The following ENTHD1 variants were observed in gnomAD, a reference collection of about 807,000 sequenced individuals.
The protein encoded by ENTHD1 is ENTH domain containing 1, also known as ENTH domain-containing protein 1.
In ENTHD1, 23 loss-of-function variants were observed where a neutral mutation model predicts 39.1. The ratio of observed to expected loss-of-function variants is 0.59; its 90% confidence interval spans 0.42 to 0.83. ENTHD1 has a LOEUF of 0.83. ENTHD1 is among the 40% of genes least tolerant of loss of function. The pLI is 0.00. For synonymous variants in ENTHD1, 230 were observed against 258.2 expected (o/e 0.89, Z 1.05); for missense variants, 624 against 705.4 (o/e 0.88, Z 1.31).
rs2065267651 is a variant in ENTHD1 at position 39,765,334 on chromosome 22, A to G, written c.1108T>C (p.Ser370Pro). The G allele has an allele frequency of 6.2e-7, 1 of 1,613,860 alleles. No individual in the cohort carries two copies. The highest frequency in any genetic ancestry group is 8.5e-7 in the Non-Finnish European group (1 of 1,179,930). The part of the protein sequence containing the change: ...ASVETLCLSP[S>P]FKIFDRVKEI... The stretch of plus-strand genomic sequence containing the variant: ...TTCACTCGGTCAAATATTTTGAATG[A>G]GGGAGAGAGACAGAGTGTTTCTACA... The change falls in exon 6 of 7, where the codon TCA (serine) becomes CCA (proline). Residue 370 changes from serine to proline, a missense_variant. Transcript: ENST00000325157.
At chr22:39,877,080 T>TG (rs2066297095) in intron 2 of ENTHD1, among the ~76,000 whole-genome samples, 2 of 152,206 alleles carry the variant, frequency 1.3e-5, no homozygotes, top group African/African-American at 4.8e-5. Flanking sequence ...GACGATCACT[T>TG]GGGAACCTTG....
intron 3 of ENTHD1, among the ~76,000 whole-genome samples, chr22:39,841,321 G>A (rs1164280120): frequency 6.6e-6 from 1 of 152,144 alleles, no homozygotes; most frequent in Non-Finnish European, 1.5e-5. Context: ...ACTCAGATTT[G>A]CATGTGGGAG....
chr22:39,883,557 C>T (rs1048677046), intron 2 of ENTHD1, among the ~76,000 whole-genome samples: 1 of 151,934 alleles, frequency 6.6e-6, no homozygotes. Context: ...AGGATGTCTG[C>T]TCTCAACACT....
intron 4 of ENTHD1, among the ~76,000 whole-genome samples, chr22:39,831,552 C>T (rs573237378): frequency 3.3e-5 from 5 of 152,296 alleles, no homozygotes; most frequent in African/African-American, 9.6e-5. Flanking sequence ...GGGCCAGGTA[C>T]GGTGGCTCAT....
At chr22:39,788,647 A>G (rs181927695) in intron 5 of ENTHD1, among the ~76,000 whole-genome samples, 271 of 152,318 alleles carry the variant, frequency 1.8e-3, no homozygotes, top group Non-Finnish European at 3.3e-3. Context: ...AAGAAGTTCT[A>G]CTGTATGTAA....
chr22:39,824,181 G>T (rs1601620040), intron 4 of ENTHD1, among the ~76,000 whole-genome samples: 1 of 141,034 alleles, frequency 7.1e-6, no homozygotes, highest in Non-Finnish European at 1.5e-5. Context: ...TCCTTTTAGG[G>T]ATCATGCTTT....
At chr22:39,835,757 A>G (rs1023738496) in intron 4 of ENTHD1, 83 bp downstream of exon 4, 3 of 976,324 alleles carry the variant, frequency 3.1e-6, no homozygotes, top group Non-Finnish European at 4.6e-6. Flanking sequence ...CTTCTAACCT[A>G]CAGAAGATAA....
At chr22:39,877,414 C>T (rs1281489383) in intron 2 of ENTHD1, among the ~76,000 whole-genome samples, 1 of 152,206 alleles carries the variant, frequency 6.6e-6, no homozygotes, top group Admixed American at 6.5e-5. Context: ...GAAAAATCAA[C>T]TCTTCTTGGA....
intron 3 of ENTHD1, among the ~76,000 whole-genome samples, chr22:39,842,416 CTTGGAGGCTTT>C (rs1270867279): frequency 3.9e-5 from 6 of 151,972 alleles, no homozygotes; most frequent in Admixed American, 2.0e-4. Flanking sequence ...TCCCATATTT[CTTGGAGGCTTT>C]GCTCATTTCT....
intron 5 of ENTHD1, among the ~76,000 whole-genome samples, chr22:39,770,231 T>G (rs2065311075): frequency 6.6e-6 from 1 of 152,148 alleles, no homozygotes; most frequent in African/African-American, 2.4e-5. Flanking sequence ...ACTTTGCCAG[T>G]TAGCTTTTTG....
intron 5 of ENTHD1, among the ~76,000 whole-genome samples, chr22:39,817,376 G>A (rs1443361348): frequency 6.6e-6 from 1 of 152,176 alleles, no homozygotes; most frequent in African/African-American, 2.4e-5. Flanking sequence ...AGCCAGGATT[G>A]CAGGAGTTTT....
At chr22:39,811,005 C>T (rs2065681312) in intron 5 of ENTHD1, among the ~76,000 whole-genome samples, 1 of 152,170 alleles carries the variant, frequency 6.6e-6, no homozygotes, top group South Asian at 2.1e-4. Flanking sequence ...ATTGATGATA[C>T]AGTGCTAAGT....
chr22:39,767,084 A>G (rs949804372), intron 5 of ENTHD1, among the ~76,000 whole-genome samples: 1 of 152,176 alleles, frequency 6.6e-6, no homozygotes, highest in East Asian at 1.9e-4. Context: ...AGACCTTGCA[A>G]GGAGTCATCT....
intron 2 of ENTHD1, among the ~76,000 whole-genome samples, chr22:39,871,172 AAAATAAATAAATAAAT>A (rs58727605): frequency 5.9e-4 from 83 of 141,274 alleles, no homozygotes; most frequent in African/African-American, 1.7e-3. Flanking sequence ...CCCATCTTCT[AAAATAAATAAATAAAT>A]AAATAAATAA....
intron 2 of ENTHD1, chr22:39,874,287 C>T (rs2066268746): frequency 2.0e-5 from 3 of 152,170 alleles, no homozygotes; most frequent in Admixed American, 6.5e-5. Context: ...AAATTACCAA[C>T]TTAAAACTAT....
At chr22:39,785,898 A>G (rs1281780242) in intron 5 of ENTHD1, among the ~76,000 whole-genome samples, 1 of 152,172 alleles carries the variant, frequency 6.6e-6, no homozygotes, top group Non-Finnish European at 1.5e-5. Flanking sequence ...TCTCTCAAAG[A>G]CAATTTCAAA....
intron 2 of ENTHD1, among the ~76,000 whole-genome samples, chr22:39,881,626 C>T (rs1178585131): frequency 6.6e-6 from 1 of 152,112 alleles, no homozygotes; most frequent in East Asian, 1.9e-4. Context: ...TCCCTGCTGT[C>T]GTGAAATTTA....
chr22:39,833,941 C>CAAAAAA (rs59299623), intron 4 of ENTHD1, among the ~76,000 whole-genome samples: 1 of 117,926 alleles, frequency 8.5e-6, no homozygotes, highest in Non-Finnish European at 1.7e-5. Context: ...TATACTTGGG[C>CAAAAAA]AAAAAAAAAA....
intron 3 of ENTHD1, among the ~76,000 whole-genome samples, chr22:39,859,243 T>C (rs1394703708): frequency 6.6e-6 from 1 of 152,228 alleles, no homozygotes; most frequent in East Asian, 1.9e-4. Flanking sequence ...AGTTGGATCT[T>C]CTATCCAGAC....
Sources: gnomAD v4.1 joint callset for allele counts (sites outside exome capture counted in the v4.1 genomes callset) on GRCh38, gnomAD v4.1.1 for gene constraint, MANE v1.5 for transcripts, NCBI Gene and HGNC (gene_info 2026-07-23, HGNC 2026-07-21) for gene names.